FAM107B: variants seen among roughly 807,000 people sequenced by gnomAD.
The protein encoded by FAM107B is family with sequence similarity 107 member B, also known as protein FAM107B.
In FAM107B, 21 loss-of-function variants were observed where a neutral mutation model predicts 31.5. That is an observed-to-expected ratio of 0.67 (90% confidence interval 0.47 to 0.96). The LOEUF (loss-of-function observed/expected upper bound fraction) is 0.96, where lower values mean the gene tolerates loss of function less well. Among genes scored for constraint, FAM107B ranks in the 40% least tolerant of loss-of-function variants. The pLI is 0.00. For synonymous variants in FAM107B, 157 were observed against 141.5 expected, an observed-to-expected ratio of 1.11 and a Z score of -0.78; for missense variants, 452 against 377.1, an observed-to-expected ratio of 1.20 and a Z score of -1.64.
intron 1 of FAM107B, among the ~76,000 whole-genome samples, chr10:14,758,159 T>C (rs1832966761): frequency 6.6e-6 from 1 of 152,226 alleles, no homozygotes; most frequent in African/African-American, 2.4e-5. Flanking sequence ...AAACGGTGAA[T>C]ACGTCATGGA....
At chr10:14,756,734 C>T (rs1832937906) in intron 1 of FAM107B, among the ~76,000 whole-genome samples, 2 of 152,096 alleles carry the variant, frequency 1.3e-5, no homozygotes, top group Non-Finnish European at 1.5e-5. Flanking sequence ...CAACACTGCT[C>T]ACAATAGCAA....
intron 2 of FAM107B, among the ~76,000 whole-genome samples, chr10:14,582,522 C>T (rs1342633812): frequency 2.0e-5 from 3 of 151,632 alleles, no homozygotes; most frequent in Non-Finnish European, 4.4e-5. Flanking sequence ...GACTAACAGG[C>T]GCCTGCCACC....
At chr10:14,561,430 T>G (rs11259186) in intron 2 of FAM107B, among the ~76,000 whole-genome samples, 79,925 of 152,136 alleles carry the variant, frequency 0.53, 21,208 homozygotes, top group South Asian at 0.69. Context: ...GTGAGGGACA[T>G]AGCCAAGGGC....
intron 1 of FAM107B, among the ~76,000 whole-genome samples, chr10:14,673,059 T>C (rs1854598581): frequency 6.6e-6 from 1 of 152,228 alleles, no homozygotes; most frequent in Non-Finnish European, 1.5e-5. Flanking sequence ...TTTCAATACA[T>C]GTATACATGT....
At chr10:14,544,650 C>T (rs926426130) in intron 2 of FAM107B, among the ~76,000 whole-genome samples, 2 of 152,150 alleles carry the variant, frequency 1.3e-5, no homozygotes, top group Non-Finnish European at 2.9e-5. Flanking sequence ...CGCAGTAATT[C>T]CACTTTTAGG....
chr10:14,534,803 T>G (rs1847437594), intron 2 of FAM107B: 2 of 152,236 alleles, frequency 1.3e-5, no homozygotes. Flanking sequence ...TGGATATAAA[T>G]CTTATCCTCT....
intron 2 of FAM107B, among the ~76,000 whole-genome samples, chr10:14,549,021 C>T (rs1849003719): frequency 6.6e-6 from 1 of 152,122 alleles, no homozygotes; most frequent in Admixed American, 6.5e-5. Flanking sequence ...ACCAGAGCTC[C>T]TTCTTTCTCA....
At chr10:14,533,082 C>T (rs906225231) in intron 2 of FAM107B, among the ~76,000 whole-genome samples, 1 of 152,124 alleles carries the variant, frequency 6.6e-6, no homozygotes, top group African/African-American at 2.4e-5. Flanking sequence ...CCCTGAGGGC[C>T]ATGGGGAGTC....
At chr10:14,568,917 C>T (rs1287906815) in intron 2 of FAM107B, among the ~76,000 whole-genome samples, 1 of 152,136 alleles carries the variant, frequency 6.6e-6, no homozygotes, top group African/African-American at 2.4e-5. Context: ...TAATAAATGG[C>T]AACACCAGGA....
intron 2 of FAM107B, among the ~76,000 whole-genome samples, chr10:14,624,061 G>A (rs12767248): frequency 0.11 from 16,582 of 152,080 alleles, 1,032 homozygotes; most frequent in South Asian, 0.21. Flanking sequence ...AGCAACCACC[G>A]TACTGACCCC....
intron 2 of FAM107B, among the ~76,000 whole-genome samples, chr10:14,643,407 C>T (rs898077418): frequency 6.8e-6 from 1 of 147,192 alleles, no homozygotes; most frequent in African/African-American, 2.5e-5. Context: ...GGAGGTCAGT[C>T]TAATTTTTTT....
intron 1 of FAM107B, among the ~76,000 whole-genome samples, chr10:14,761,185 A>C (rs1833039958): frequency 1.3e-5 from 2 of 152,162 alleles, no homozygotes; most frequent in African/African-American, 4.8e-5. Context: ...TAAAGTGTTA[A>C]AGTCTTCATT....
At chr10:14,716,983 G>C (rs549891668) in intron 1 of FAM107B, among the ~76,000 whole-genome samples, 1 of 152,060 alleles carries the variant, frequency 6.6e-6, no homozygotes, top group Non-Finnish European at 1.5e-5. Flanking sequence ...CCAGCTACTC[G>C]GGAGGCTGAG....
At chr10:14,563,885 T>G (rs1850444154) in intron 2 of FAM107B, among the ~76,000 whole-genome samples, 1 of 152,192 alleles carries the variant, frequency 6.6e-6, no homozygotes, top group Non-Finnish European at 1.5e-5. Context: ...GTCGCTCTTC[T>G]CACTAAATTT....
At chr10:14,554,194 A>T in intron 2 of FAM107B, 1 of 979,620 alleles carries the variant, frequency 1.0e-6, no homozygotes, top group Non-Finnish European at 1.2e-6. Flanking sequence ...CTACCCTCCC[A>T]CTGCCTTACT....
intron 2 of FAM107B, among the ~76,000 whole-genome samples, chr10:14,655,995 G>A (rs1248789625): frequency 1.3e-5 from 2 of 152,150 alleles, no homozygotes; most frequent in Non-Finnish European, 1.5e-5. Context: ...CAAGGGGAGA[G>A]GGGCTGGGTG....
intron 1 of FAM107B, among the ~76,000 whole-genome samples, chr10:14,673,474 T>C (rs1854608079): frequency 6.6e-6 from 1 of 152,250 alleles, no homozygotes; most frequent in Non-Finnish European, 1.5e-5. Flanking sequence ...TTTTATTCTT[T>C]TTTTAAATGT....
chr10:14,651,061 G>A (rs1210543120), intron 2 of FAM107B, among the ~76,000 whole-genome samples: 3 of 152,144 alleles, frequency 2.0e-5, no homozygotes, highest in Admixed American at 1.3e-4. Context: ...GACGCTTCCT[G>A]AGACAACCTC....
intron 2 of FAM107B, among the ~76,000 whole-genome samples, chr10:14,576,968 G>T (rs2131292244): frequency 6.6e-6 from 1 of 152,232 alleles, no homozygotes; most frequent in South Asian, 2.1e-4. Flanking sequence ...AAGCAGAATG[G>T]AAAAAATACA....
Sources: gnomAD v4.1 joint callset for allele counts (sites outside exome capture counted in the v4.1 genomes callset) on GRCh38, gnomAD v4.1.1 for gene constraint, MANE v1.5 for transcripts, NCBI Gene and HGNC (gene_info 2026-07-23, HGNC 2026-07-21) for gene names.